Variants in PAK3 observed in about 807,000 individuals in gnomAD.
The protein encoded by PAK3 is serine/threonine-protein kinase PAK 3.
A neutral mutation model predicts 41.0 loss-of-function variants in PAK3; 4 were observed. The observed-to-expected ratio is 0.10, with a 90% confidence interval of 0.05 to 0.22. PAK3 has a LOEUF of 0.22. Among genes scored for constraint, PAK3 ranks in the 10% least tolerant of loss-of-function variants. PAK3 has a pLI of 1.00. For missense variants in PAK3, 205 were observed against 409.9 expected (o/e 0.50, Z 4.32); for synonymous variants, 146 against 139.6 (o/e 1.05, Z -0.32).
upstream of PAK3, among the ~76,000 whole-genome samples, chrX:111,091,508 G>T (rs1226039941): frequency 8.9e-6 from 1 of 112,218 alleles, no homozygotes; most frequent in African/African-American, 3.2e-5. Context: ...GGCTGGAATA[G>T]AACCTGGGTT....
intron 16 of PAK3, among the ~76,000 whole-genome samples, chrX:111,206,303 T>A (rs995305425): frequency 9.0e-6 from 1 of 111,532 alleles, no homozygotes; most frequent in Admixed American, 9.6e-5. Flanking sequence ...CCTACCCACA[T>A]CCCTACTTCC....
chrX:111,188,211 AC>A (rs1456016350), intron 11 of PAK3, among the ~76,000 whole-genome samples: 3 of 109,537 alleles, frequency 2.7e-5, no homozygotes, highest in Non-Finnish European at 5.7e-5. Context: ...ACAAAAAAAA[AC>A]AAAACCCACG....
At chrX:111,128,283 A>G (rs2093674876) in intron 5 of PAK3, among the ~76,000 whole-genome samples, 1 of 112,025 alleles carries the variant, frequency 8.9e-6, no homozygotes, top group Admixed American at 9.5e-5. Context: ...TGGGGAATCT[A>G]GAGAGATTTG....
chrX:111,194,444 G>A, intron 14 of PAK3, 26 bp downstream of exon 14: 2 of 791,539 alleles, frequency 2.5e-6, no homozygotes, highest in East Asian at 6.3e-5. Flanking sequence ...ATTTCTAGCT[G>A]AGAAGACCAC....
chrX:111,091,554 G>A (rs2092929312), upstream of PAK3, among the ~76,000 whole-genome samples: 1 of 112,024 alleles, frequency 8.9e-6, no homozygotes, highest in Non-Finnish European at 1.9e-5. Flanking sequence ...AGACCCAAGA[G>A]AATGGTAACT....
chrX:110,954,152 T>C (rs2090803024), intron 1 of PAK3, among the ~76,000 whole-genome samples: 1 of 111,818 alleles, frequency 8.9e-6, no homozygotes, highest in South Asian at 3.8e-4. Context: ...AGCACTAGTG[T>C]ACACCAATTT....
At chrX:111,104,953 T>C (rs2093224516) in intron 4 of PAK3, among the ~76,000 whole-genome samples, 1 of 111,178 alleles carries the variant, frequency 9.0e-6, no homozygotes, top group Non-Finnish European at 1.9e-5. Flanking sequence ...TCCAAAGTTA[T>C]TTTGGTATCT....
At chrX:111,073,482 T>C (rs2092761739) in intron 1 of PAK3, among the ~76,000 whole-genome samples, 1 of 111,292 alleles carries the variant, frequency 9.0e-6, no homozygotes, top group Non-Finnish European at 1.9e-5. Context: ...TTAGCTAGAC[T>C]AAGAACAAAG....
At chrX:111,022,638 G>A (rs1199125683) in intron 1 of PAK3, among the ~76,000 whole-genome samples, 1 of 110,886 alleles carries the variant, frequency 9.0e-6, no homozygotes, top group Non-Finnish European at 1.9e-5. Context: ...ACAAAAACAA[G>A]TTGTTCAGGC....
At chrX:110,972,466 G>A (rs2091230986) in intron 1 of PAK3, among the ~76,000 whole-genome samples, 1 of 111,978 alleles carries the variant, frequency 8.9e-6, no homozygotes, top group Admixed American at 9.5e-5. Flanking sequence ...CTGCAACTGA[G>A]GGATCTGACT....
At chrX:111,216,823 GT>G (rs1006238326) in intron 17 of PAK3, 11 of 379,025 alleles carry the variant, frequency 2.9e-5, no homozygotes, top group Non-Finnish European at 3.7e-5. Context: ...AAAAAGCAAT[GT>G]GACCCTCTGG....
rs1214342069 is a variant in PAK3, at chrX:111,208,916, A to G, written c.1408-7505A>G. ...AAGGGGTTCCTGGAACCAATCCCCC[A>G]TAGATACCGAGGAATGACGTGTGTG... On this transcript the variant is annotated intron_variant, in intron 16 of 17. Transcript: ENST00000372007. Among the ~76,000 whole-genome samples, 3 of 105,639 alleles carry G rather than the reference A, an allele frequency of 2.8e-5. No individual in the cohort carries two copies. The Admixed American group carries it at 3.0e-4, about 10-fold the overall frequency. 91.7% of individuals were successfully genotyped at this position (105,639 alleles called of 115,157 possible).
At position 111,007,166 on chromosome X, in the gene PAK3, G is replaced by T. The variant is rs2091945100; in HGVS notation, c.-28+62538G>T. Among the ~76,000 whole-genome samples the T allele has an allele frequency of 1.8e-5, 2 of 110,314 alleles. 1 individual carries two copies. Among genetic ancestry groups the T allele is most frequent in the African/African-American group, 6.6e-5 (2 of 30,318 alleles). On this transcript the variant is annotated intron_variant, in intron 1 of 14. Coordinates refer to the PAK3 transcript ENST00000425146. ...TGGAACTGCAAGAAAAATTCTCTAA[G>T]TGGAGTGGGCCTGCAGAGTTCTATG...
intron 11 of PAK3, among the ~76,000 whole-genome samples, chrX:111,188,447 A>G (rs73541171): frequency 0.17 from 19,080 of 110,512 alleles, 3,617 homozygotes; most frequent in African/African-American, 0.56. Flanking sequence ...GGGTTTCTTC[A>G]TACAGTTTCA....
At chrX:110,987,934 C>T (rs752845592) in intron 1 of PAK3, among the ~76,000 whole-genome samples, 50 of 112,117 alleles carry the variant, frequency 4.5e-4, no homozygotes, top group African/African-American at 1.6e-3. Flanking sequence ...GCTTATCGAA[C>T]CTCTGAGCTT....
intron 12 of PAK3, 70 bp from the exon 13 acceptor site, chrX:111,192,436 C>A: frequency 1.6e-6 from 1 of 633,601 alleles, no homozygotes; most frequent in Non-Finnish European, 2.6e-6. Flanking sequence ...ACTCTATGTC[C>A]CCCAAAATAT....
intron 1 of PAK3, among the ~76,000 whole-genome samples, chrX:111,009,503 C>G (rs1367422468): frequency 9.0e-6 from 1 of 111,210 alleles, no homozygotes; most frequent in Non-Finnish European, 1.9e-5. Flanking sequence ...CTTCGTGGCC[C>G]CAGGGTCAAC....
intron 1 of PAK3, among the ~76,000 whole-genome samples, chrX:111,079,012 T>A (rs1407567351): frequency 8.9e-6 from 1 of 111,819 alleles, no homozygotes; most frequent in Non-Finnish European, 1.9e-5. Context: ...GTTAGTAAAG[T>A]GCCAAAGAAA....
rs1166407393 is a variant in PAK3 at position 111,225,140 on chromosome X, G to A, written c.*4693G>A. ...AATAAATGGGAACTTGGAAATAATGGAATATTTCTCCTATGAAAGAATTTT... is the reference window on the plus strand; with the variant it reads ...AATAAATGGGAACTTGGAAATAATGAAATATTTCTCCTATGAAAGAATTTT... On this transcript the variant is annotated 3_prime_UTR_variant, in exon 18 of 18. Coordinates refer to ENST00000372007, the MANE Select transcript of PAK3 (RefSeq NM_002578.5). The A allele has an allele frequency of 8.9e-6, 1 of 112,102 alleles. No homozygotes were observed. The highest frequency in any genetic ancestry group is 2.8e-4 in the East Asian group (1 of 3,568). 9.2% of individuals were successfully genotyped at this position (112,102 alleles called of 1,213,427 possible).
Sources: allele counts gnomAD v4.1 joint callset (sites outside exome capture counted in the v4.1 genomes callset), GRCh38; gene constraint gnomAD v4.1.1; transcripts MANE v1.5; gene names NCBI Gene and HGNC (gene_info 2026-07-23, HGNC 2026-07-21).